The following CNST variants were observed in gnomAD, a reference collection of about 807,000 sequenced individuals.
The protein encoded by CNST is consortin.
In CNST, 39 loss-of-function variants were observed where a neutral mutation model predicts 72.4. The ratio of observed to expected loss-of-function variants is 0.54; its 90% CI spans 0.42 to 0.70. The LOEUF (loss-of-function observed/expected upper bound fraction) is 0.70, where lower values mean the gene tolerates loss of function less well. Among genes scored for constraint, CNST ranks in the 30% least tolerant of loss-of-function variants. CNST has a pLI of 0.00. For missense variants in CNST, 871 were observed against 868.5 expected, an observed-to-expected ratio of 1.00 and a Z score of -0.04; for synonymous variants, 332 against 320.1, an observed-to-expected ratio of 1.04 and a Z score of -0.40.
At position 246,666,986 on chromosome 1, in the gene CNST, T is replaced by TA. The variant is rs1223153441; in HGVS notation, c.*1082dup. The TA allele has an allele frequency of 2.0e-5, 3 of 152,152 alleles. No individual in the cohort carries two copies. Among genetic ancestry groups the TA allele is most frequent in the African/African-American group, 7.2e-5 (3 of 41,424 alleles). The allele number at this position is 152,152 out of a possible 1,614,324, so 9.4% of individuals were successfully genotyped here. ...GATTTAGATCCTATTGCGGGGTCAT[T>TA]ACGCAAAAATTCAATCATACCTTCC... On this transcript the variant is annotated 3_prime_UTR_variant, in exon 11 of 11. Transcript: ENST00000366513.
At position 246,659,557 on chromosome 1, in the gene CNST, T is replaced by G. The variant is rs187237436; in HGVS notation, c.1837-642T>G. ...TTGCAGTGAGCCGAGATCGCGCCAC[T>G]GCACTCCAGCCTGGGCGACAGAGCA... On this transcript the variant is annotated intron_variant, in intron 9 of 10. Transcript: ENST00000366513. Among the ~76,000 whole-genome samples, 604 of 151,096 alleles carry G rather than the reference T, an allele frequency of 4.0e-3. 5 individuals carry two copies. Among genetic ancestry groups the G allele is most frequent in the African/African-American group, 0.014 (563 of 41,102 alleles).
intron 8 of CNST, among the ~76,000 whole-genome samples, chr1:246,645,321 TAAAC>T (rs371666283): frequency 7.3e-5 from 11 of 151,556 alleles, no homozygotes; most frequent in East Asian, 3.9e-4. Flanking sequence ...TATCAGTAAA[TAAAC>T]AAATGGAATA....
intron 1 of CNST, among the ~76,000 whole-genome samples, chr1:246,576,234 C>G (rs12754530): frequency 0.013 from 177 of 13,658 alleles, 1 homozygote; most frequent in Middle Eastern, 0.05. Flanking sequence ...GACTCCGTCT[C>G]AAAAAAAAAA....
intron 4 of CNST, among the ~76,000 whole-genome samples, chr1:246,633,153 C>G (rs1664884499): frequency 6.6e-6 from 1 of 152,094 alleles, no homozygotes; most frequent in Non-Finnish European, 1.5e-5. Context: ...ACTTCAAAAC[C>G]AAGAAACATT....
chr1:246,637,702 T>G (rs6704262), intron 6 of CNST, among the ~76,000 whole-genome samples: 67,838 of 151,830 alleles, frequency 0.45, 16,137 homozygotes, highest in East Asian at 0.67. Flanking sequence ...AGAACCCATT[T>G]CATTCCTAAG....
rs148226474 is a variant in CNST, at chr1:246,626,149, A to G, written c.585+4515A>G. 9.6e-3 allele frequency among the ~76,000 whole-genome samples: 1,456 copies of G among 151,866 alleles called. 15 individuals are homozygous for G. Among genetic ancestry groups the G allele is most frequent in the Middle Eastern group, 0.048 (14 of 294 alleles). ...ACTGCAGCCTCCACCTCACGGGTTC[A>G]AGTAGTCTTCCTGCCTCAGCTTCTC... On this transcript the variant is annotated intron_variant, in intron 3 of 10. Coordinates refer to ENST00000366513, the MANE Select transcript of CNST (RefSeq NM_152609.3).
At chr1:246,625,446 G>T in intron 3 of CNST, among the ~76,000 whole-genome samples, 1 of 139,740 alleles carries the variant, frequency 7.2e-6, no homozygotes. Flanking sequence ...TTTTGAGATG[G>T]GGTCTTGCTC....
chr1:246,578,463 A>G (rs754277711), intron 1 of CNST, among the ~76,000 whole-genome samples: 3 of 151,968 alleles, frequency 2.0e-5, no homozygotes, highest in Non-Finnish European at 4.4e-5. Context: ...ATGAGGTAGG[A>G]GATCGAGACC....
rs901002660 is a variant in CNST at position 246,667,398 on chromosome 1, T to G, written c.*1493T>G. 1.3e-5 allele frequency: 2 copies of G among 152,196 alleles called. No homozygotes were observed. Among genetic ancestry groups the G allele is most frequent in the African/African-American group, 4.8e-5 (2 of 41,430 alleles). 9.4% of individuals were successfully genotyped at this position (152,196 alleles called of 1,614,324 possible). A position where few individuals can be genotyped will look rare whatever the true frequency, so the allele number is the denominator to read the frequency against. On this transcript the variant is annotated 3_prime_UTR_variant, in exon 11 of 11. Coordinates refer to ENST00000366513, the MANE Select transcript of CNST (RefSeq NM_152609.3). Reference sequence around the variant, plus strand: ...TTTAATTACTGTGTATTTAGTGTTTTGATTTTCTATAATTTCAGTTCCGCG... The same window carrying G: ...TTTAATTACTGTGTATTTAGTGTTTGGATTTTCTATAATTTCAGTTCCGCG...
At chr1:246,626,061 T>G (rs991543398) in intron 3 of CNST, among the ~76,000 whole-genome samples, 3 of 148,750 alleles carry the variant, frequency 2.0e-5, no homozygotes, top group Non-Finnish European at 4.4e-5. Context: ...AGTTCCCATA[T>G]TTTCCTTTTT....
intron 1 of CNST, among the ~76,000 whole-genome samples, chr1:246,582,162 C>A (rs1236273740): frequency 6.6e-6 from 1 of 152,072 alleles, no homozygotes; most frequent in Non-Finnish European, 1.5e-5. Flanking sequence ...TCACACAAAT[C>A]AAAAAACGAA....
At position 246,661,053 on chromosome 1, in the gene CNST, T is replaced by G. The variant is rs1190197059; in HGVS notation, c.1972+719T>G. Among the ~76,000 whole-genome samples, 3 of 152,128 alleles carry G rather than the reference T, an allele frequency of 2.0e-5. No individual in the cohort carries two copies. In the East Asian group the frequency reaches 5.8e-4, roughly 30 times the overall value. ...GGCGCAAATCACTGCAACCTCAACC[T>G]CCACCTCCCAGGTTCAAGCAATTCT... On this transcript the variant is annotated intron_variant, in intron 10 of 10. Coordinates refer to ENST00000366513, the MANE Select transcript of CNST (RefSeq NM_152609.3).
intron 1 of CNST, among the ~76,000 whole-genome samples, chr1:246,590,299 G>A (rs922704238): frequency 2.6e-5 from 4 of 152,250 alleles, no homozygotes; most frequent in African/African-American, 7.2e-5. Flanking sequence ...TTCCTCATAC[G>A]ATGTCTGGAA....
chr1:246,591,446 T>C (rs1661535619), intron 1 of CNST, 66 bp from the exon 2 acceptor site: 3 of 1,142,366 alleles, frequency 2.6e-6, no homozygotes, highest in African/African-American at 1.6e-5. Flanking sequence ...AAGGGGAAAA[T>C]CAAAGATCAC....
intron 6 of CNST, among the ~76,000 whole-genome samples, chr1:246,634,839 C>T (rs1665048861): frequency 6.6e-6 from 1 of 152,190 alleles, no homozygotes; most frequent in Admixed American, 6.5e-5. Context: ...AAAATGGCGT[C>T]AGCGCCACGT....
chr1:246,634,102 C>A, intron 5 of CNST, 92 bp downstream of exon 5: 1 of 827,830 alleles, frequency 1.2e-6, no homozygotes, highest in South Asian at 1.5e-5. Flanking sequence ...TTTTATAAAT[C>A]AGAAAATAGA....
chr1:246,644,675 G>C (rs1343493554), intron 8 of CNST, among the ~76,000 whole-genome samples: 1 of 152,200 alleles, frequency 6.6e-6, no homozygotes, highest in African/African-American at 2.4e-5. Flanking sequence ...CTGACCCTCA[G>C]GTGGAAGCAA....
intron 4 of CNST, among the ~76,000 whole-genome samples, chr1:246,632,645 A>G (rs1664849501): frequency 6.6e-6 from 1 of 152,238 alleles, no homozygotes; most frequent in African/African-American, 2.4e-5. Flanking sequence ...AGCATTGCCC[A>G]GAGGAAGGTA....
rs760362355 is a variant in CNST at position 246,631,905 on chromosome 1, C to T, written c.597C>T (p.Ser199=). 1 of 1,549,512 alleles carries T rather than the reference C, an allele frequency of 6.5e-7. No homozygotes were observed. Among genetic ancestry groups the T allele is most frequent in the Admixed American group, 1.8e-5 (1 of 55,614 alleles). Reference sequence around the variant, plus strand: ...TTTGTTTTTAACAGATAGCAGAATCCTATTTCCAGGAGGAGGACTGTATCC... The same window carrying T: ...TTTGTTTTTAACAGATAGCAGAATCTTATTTCCAGGAGGAGGACTGTATCC... ...LPLCLHQIAE[S]YFQEEDYEKA... is the part of the protein sequence containing the mutation. Residue 199 remains serine (S), a synonymous_variant, in exon 4 of 11, where the codon TCC becomes TCT. Transcript: ENST00000366513.
Sources: allele counts gnomAD v4.1 joint callset (sites outside exome capture counted in the v4.1 genomes callset), GRCh38; gene constraint gnomAD v4.1.1; transcripts MANE v1.5; gene names NCBI Gene and HGNC (gene_info 2026-07-23, HGNC 2026-07-21).